TMEM132B: variants seen among roughly 807,000 people sequenced by gnomAD.
The protein encoded by TMEM132B is transmembrane protein 132B.
A neutral mutation model predicts 90.8 loss-of-function variants in TMEM132B; 18 were observed. The ratio of observed to expected loss-of-function variants is 0.20; its 90% CI spans 0.14 to 0.29. The LOEUF (loss-of-function observed/expected upper bound fraction) is 0.29, where lower values mean the gene tolerates loss of function less well. Among genes scored for constraint, TMEM132B ranks in the 10% least tolerant of loss-of-function variants. TMEM132B has a pLI of 1.00. For synonymous variants in TMEM132B, 504 were observed against 523.3 expected (o/e 0.96, Z 0.50); for missense variants, 1,096 against 1,326.8 (o/e 0.83, Z 2.70).
In TMEM132B at chr12:125,449,035, C is replaced by T. The variant is rs191669925; in HGVS notation, c.1106+33358C>T. 2.7e-3 allele frequency among the ~76,000 whole-genome samples: 396 copies of T among 146,440 alleles called. 2 individuals carry two copies. Among genetic ancestry groups the T allele is most frequent in the African/African-American group, 8.9e-3 (354 of 39,622 alleles). On this transcript the variant is annotated intron_variant, in intron 3 of 8. Coordinates refer to ENST00000682704, the MANE Select transcript of TMEM132B (RefSeq NM_001366854.1). ...AGGCTGGAGTGCAGTGGCGCAGTCT[C>T]GGCTCACTGCAAGCTCTGCCTCCTG...
chr12:125,263,197 T>G (rs1224662184), intron 1 of TMEM132B, among the ~76,000 whole-genome samples: 1 of 152,206 alleles, frequency 6.6e-6, no homozygotes, highest in Non-Finnish European at 1.5e-5. Context: ...TCTTATGTAA[T>G]GTGTCTGTAC....
intron 1 of TMEM132B, among the ~76,000 whole-genome samples, chr12:125,199,979 T>C (rs1873018255): frequency 6.6e-6 from 1 of 152,100 alleles, no homozygotes; most frequent in Non-Finnish European, 1.5e-5. Flanking sequence ...TTGCTAAAAA[T>C]CCGGGTTTCT....
intron 1 of TMEM132B, among the ~76,000 whole-genome samples, chr12:125,206,137 C>T (rs958531007): frequency 2.0e-5 from 3 of 152,112 alleles, no homozygotes; most frequent in Admixed American, 6.6e-5. Context: ...TAGCTTTTTT[C>T]GCTTAGTTTT....
intron 1 of TMEM132B, chr12:125,326,816 C>A: frequency 2.5e-6 from 2 of 794,536 alleles, no homozygotes; most frequent in Non-Finnish European, 3.9e-6. Flanking sequence ...GCACCCCTTC[C>A]TCTTGTCCTG....
intron 4 of TMEM132B, among the ~76,000 whole-genome samples, chr12:125,578,107 G>A (rs936004782): frequency 2.0e-5 from 3 of 152,096 alleles, no homozygotes; most frequent in African/African-American, 7.2e-5. Context: ...ATAGATGTCT[G>A]TTATGTCTTG....
intron 5 of TMEM132B, among the ~76,000 whole-genome samples, chr12:125,609,542 G>A (rs900372255): frequency 6.6e-5 from 10 of 151,970 alleles, no homozygotes; most frequent in Non-Finnish European, 1.2e-4. Flanking sequence ...TGGGCCGGGC[G>A]TGGTAGCTCA....
chr12:125,637,285 G>A (rs940642056), intron 5 of TMEM132B, among the ~76,000 whole-genome samples: 1 of 152,292 alleles, frequency 6.6e-6, no homozygotes, highest in East Asian at 1.9e-4. Context: ...AACATACAGC[G>A]GGGATCAGAG....
chr12:125,554,376 G>C (rs903412049), intron 4 of TMEM132B, among the ~76,000 whole-genome samples: 3 of 132,106 alleles, frequency 2.3e-5, no homozygotes, highest in Non-Finnish European at 4.6e-5. Context: ...AGTGAGCCGA[G>C]ATAGTGCCAC....
intron 1 of TMEM132B, among the ~76,000 whole-genome samples, chr12:125,308,086 A>G (rs1387380043): frequency 2.1e-5 from 3 of 145,862 alleles, no homozygotes; most frequent in Non-Finnish European, 4.5e-5. Context: ...TTATAAGTAT[A>G]TATACTTACA....
chr12:125,444,826 A>ATT (rs977238851), intron 3 of TMEM132B, among the ~76,000 whole-genome samples: 45 of 152,318 alleles, frequency 3.0e-4, no homozygotes, highest in African/African-American at 9.6e-4. Context: ...GGCCTGATTG[A>ATT]TTAATTGAAA....
At chr12:125,644,001 G>A (rs1886694824) in intron 5 of TMEM132B, 75 bp from the exon 6 acceptor site, 5 of 1,357,468 alleles carry the variant, frequency 3.7e-6, no homozygotes, top group Non-Finnish European at 5.2e-6. Context: ...TGCAGTTCAT[G>A]AACTTTCACT....
chr12:125,336,225 T>C (rs1876955260), intron 1 of TMEM132B, among the ~76,000 whole-genome samples: 3 of 152,210 alleles, frequency 2.0e-5, no homozygotes, highest in Non-Finnish European at 1.5e-5. Context: ...TAGAGTGTTA[T>C]GTAAGTGCAC....
At chr12:125,480,127 A>G (rs1474221695) in intron 3 of TMEM132B, among the ~76,000 whole-genome samples, 1 of 152,180 alleles carries the variant, frequency 6.6e-6, no homozygotes, top group East Asian at 1.9e-4. Context: ...AGGGAAATTT[A>G]TAGCACTAAA....
chr12:125,241,766 C>T (rs1056565182), intron 1 of TMEM132B, among the ~76,000 whole-genome samples: 1 of 152,100 alleles, frequency 6.6e-6, no homozygotes, highest in African/African-American at 2.4e-5. Flanking sequence ...TCATGGCACC[C>T]CTAGGAAACT....
At chr12:125,516,289 A>G (rs1883162785) in intron 3 of TMEM132B, among the ~76,000 whole-genome samples, 1 of 152,184 alleles carries the variant, frequency 6.6e-6, no homozygotes. Flanking sequence ...TGTAATTATT[A>G]AACTGAGAGA....
chr12:125,550,056 G>C (rs932690664), intron 4 of TMEM132B, among the ~76,000 whole-genome samples: 1 of 152,212 alleles, frequency 6.6e-6, no homozygotes, highest in Non-Finnish European at 1.5e-5. Flanking sequence ...ACAGTGTGGG[G>C]CACATCAGGG....
intron 1 of TMEM132B, among the ~76,000 whole-genome samples, chr12:125,210,034 C>T (rs183562462): frequency 6.6e-6 from 1 of 152,220 alleles, no homozygotes; most frequent in Non-Finnish European, 1.5e-5. Context: ...TGAACAAGGC[C>T]AACAAAAATC....
At chr12:125,589,474 T>C (rs1593008773) in intron 5 of TMEM132B, among the ~76,000 whole-genome samples, 1 of 80,138 alleles carries the variant, frequency 1.2e-5, no homozygotes, top group African/African-American at 5.4e-5. Flanking sequence ...AGAGCGAGAC[T>C]CCGTCTCAAA....
chr12:125,552,778 A>T (rs1277783079), intron 4 of TMEM132B, among the ~76,000 whole-genome samples: 1 of 152,176 alleles, frequency 6.6e-6, no homozygotes, highest in African/African-American at 2.4e-5. Context: ...TTTGAAATCC[A>T]TTTTTGTGGT....
Sources: gnomAD v4.1 joint callset for allele counts (sites outside exome capture counted in the v4.1 genomes callset) on GRCh38, gnomAD v4.1.1 for gene constraint, MANE v1.5 for transcripts, NCBI Gene and HGNC (gene_info 2026-07-23, HGNC 2026-07-21) for gene names.